Variants in AUH observed in about 807,000 individuals in gnomAD.
AUH encodes the protein methylglutaconyl-CoA hydratase, mitochondrial.
In AUH, 29 loss-of-function variants were observed where a neutral mutation model predicts 42.3. The ratio of observed to expected loss-of-function variants is 0.69; its 90% CI spans 0.51 to 0.93. The LOEUF is 0.93. Ranked by LOEUF, AUH falls within the 40% of genes least tolerant of loss-of-function variation. The pLI is 0.00. For synonymous variants in AUH, 174 were observed against 166.4 expected (o/e 1.05, Z -0.35); for missense variants, 452 against 438.1 (o/e 1.03, Z -0.28).
intron 4 of AUH, among the ~76,000 whole-genome samples, chr9:91,321,076 T>C (rs1162739465): frequency 1.3e-5 from 2 of 152,238 alleles, no homozygotes; most frequent in African/African-American, 4.8e-5. Context: ...CAACTCTCTC[T>C]CTAGTAATGC....
At chr9:91,244,523 A>T (rs1051057314) in intron 6 of AUH, among the ~76,000 whole-genome samples, 1 of 152,226 alleles carries the variant, frequency 6.6e-6, no homozygotes, top group Non-Finnish European at 1.5e-5. Context: ...GCACAGCTAG[A>T]GGTAAGATAC....
intron 4 of AUH, among the ~76,000 whole-genome samples, chr9:91,303,262 T>C (rs1827946127): frequency 6.6e-6 from 1 of 152,094 alleles, no homozygotes; most frequent in Admixed American, 6.5e-5. Context: ...ACACATAATG[T>C]AGGTTATTTG....
intron 6 of AUH, among the ~76,000 whole-genome samples, chr9:91,281,030 C>G (rs1402883435): frequency 2.6e-5 from 4 of 152,038 alleles, no homozygotes; most frequent in Admixed American, 2.6e-4. Context: ...TAGGTTTACT[C>G]AGCTTCTTAA....
intron 6 of AUH, among the ~76,000 whole-genome samples, chr9:91,229,915 C>A (rs965531531): frequency 6.6e-6 from 1 of 152,176 alleles, no homozygotes; most frequent in East Asian, 1.9e-4. Context: ...GGGTTTCTGC[C>A]AAGAGATTCG....
chr9:91,294,155 A>T (rs535707846), intron 6 of AUH, among the ~76,000 whole-genome samples: 13 of 152,380 alleles, frequency 8.5e-5, no homozygotes, highest in Middle Eastern at 3.4e-3. Flanking sequence ...AAGAGCTCTG[A>T]CAGAGACAGA....
chr9:91,323,022 A>G (rs904310666), intron 4 of AUH, among the ~76,000 whole-genome samples: 3 of 152,226 alleles, frequency 2.0e-5, no homozygotes, highest in Non-Finnish European at 4.4e-5. Context: ...TAATCTCCTA[A>G]CAAGTTGAAA....
chr9:91,266,035 T>C (rs564153274), intron 6 of AUH, among the ~76,000 whole-genome samples: 57 of 152,312 alleles, frequency 3.7e-4, no homozygotes, highest in African/African-American at 1.3e-3. Flanking sequence ...GTCTGCTTTC[T>C]TGACCCAGAG....
chr9:91,360,080 T>C (rs1022258758), intron 1 of AUH, among the ~76,000 whole-genome samples: 4 of 152,184 alleles, frequency 2.6e-5, no homozygotes, highest in African/African-American at 4.8e-5. Flanking sequence ...TATCTGATAT[T>C]CTCTCTTCTG....
intron 4 of AUH, 21 bp from the exon 5 acceptor site, chr9:91,298,097 T>G: frequency 6.4e-7 from 1 of 1,552,068 alleles, no homozygotes; most frequent in Non-Finnish European, 8.9e-7. Flanking sequence ...AAGAAAATTT[T>G]ATGCTTCCTT....
chr9:91,254,104 G>A (rs1203610128), intron 6 of AUH, among the ~76,000 whole-genome samples: 1 of 152,190 alleles, frequency 6.6e-6, no homozygotes, highest in Non-Finnish European at 1.5e-5. Flanking sequence ...AAGTAAATCT[G>A]AATTGTCTTC....
At chr9:91,260,846 C>G (rs967903908) in intron 6 of AUH, among the ~76,000 whole-genome samples, 2 of 152,084 alleles carry the variant, frequency 1.3e-5, no homozygotes, top group African/African-American at 4.8e-5. Context: ...CTGGTTTCCA[C>G]GGTGTCTATT....
chr9:91,267,420 A>C (rs950208200), intron 6 of AUH, among the ~76,000 whole-genome samples: 1 of 152,104 alleles, frequency 6.6e-6, no homozygotes, highest in Non-Finnish European at 1.5e-5. Context: ...TTTCATTTTC[A>C]CCATTCACCT....
intron 6 of AUH, among the ~76,000 whole-genome samples, chr9:91,256,351 T>C (rs1380060018): frequency 7.2e-5 from 11 of 152,094 alleles, no homozygotes; most frequent in Admixed American, 6.5e-4. Flanking sequence ...AGATCCAACC[T>C]GAGGGCAAAG....
At chr9:91,252,694 A>G (rs561725839) in intron 6 of AUH, among the ~76,000 whole-genome samples, 2 of 152,368 alleles carry the variant, frequency 1.3e-5, no homozygotes, top group Admixed American at 1.3e-4. Flanking sequence ...CTTGAAGTGC[A>G]ACACTACTAA....
intron 6 of AUH, among the ~76,000 whole-genome samples, chr9:91,240,975 G>C (rs1458968891): frequency 6.6e-6 from 1 of 152,178 alleles, no homozygotes; most frequent in African/African-American, 2.4e-5. Context: ...AAAACAGCCA[G>C]CTGATGCCTA....
chr9:91,298,184 TAC>T (rs1827502637), intron 4 of AUH, 108 bp from the exon 5 acceptor site: 3 of 821,752 alleles, frequency 3.7e-6, no homozygotes, highest in African/African-American at 1.7e-5. Flanking sequence ...GGAGATCATA[TAC>T]AGACTTTTGT....
At position 91,315,857 on chromosome 9, in the gene AUH, CTGTG is replaced by C. The variant is rs985014391; in HGVS notation, c.505+9457_505+9460del. Among the ~76,000 whole-genome samples the C allele has an allele frequency of 2.0e-5, 3 of 151,854 alleles. No individual in the cohort carries two copies. The South Asian group carries it at 6.3e-4, about 32-fold the overall frequency. ...CCAAAGATAACCATCCTTGTAAAGT[CTGTG>C]TGTGTGTGTATATGTTGATTTTATT... On this transcript the variant is annotated intron_variant, in intron 4 of 9. Coordinates refer to ENST00000375731, the MANE Select transcript of AUH (RefSeq NM_001698.3).
intron 6 of AUH, among the ~76,000 whole-genome samples, chr9:91,289,098 T>A (rs1048175710): frequency 2.6e-5 from 4 of 152,194 alleles, no homozygotes; most frequent in Admixed American, 2.0e-4. Context: ...CTTGTCTTTA[T>A]CAAATGTACA....
intron 3 of AUH, among the ~76,000 whole-genome samples, chr9:91,347,518 G>A (rs189408362): frequency 5.3e-5 from 8 of 152,168 alleles, no homozygotes; most frequent in Admixed American, 4.6e-4. Flanking sequence ...ACCCATGGCT[G>A]CTTTTTCTGA....
Sources: gnomAD v4.1 joint callset for allele counts (sites outside exome capture counted in the v4.1 genomes callset) on GRCh38, gnomAD v4.1.1 for gene constraint, MANE v1.5 for transcripts, NCBI Gene and HGNC (gene_info 2026-07-23, HGNC 2026-07-21) for gene names.